The following ERC2 variants were observed in gnomAD, a reference collection of about 807,000 sequenced individuals.
The protein encoded by ERC2 is ERC protein 2.
In ERC2, 42 loss-of-function variants were observed where a neutral mutation model predicts 114.8. The observed-to-expected ratio is 0.37, with a 90% confidence interval of 0.29 to 0.47. The LOEUF is 0.47. Among genes scored for constraint, ERC2 ranks in the 20% least tolerant of loss-of-function variants. The pLI is 0.99. For missense variants in ERC2, 939 were observed against 1,150.7 expected (o/e 0.82, Z 2.66); for synonymous variants, 454 against 425.5 (o/e 1.07, Z -0.82).
chr3:56,294,737 G>A (rs1379951422), intron 3 of ERC2, among the ~76,000 whole-genome samples: 1 of 152,202 alleles, frequency 6.6e-6, no homozygotes, highest in East Asian at 1.9e-4. Context: ...TTATATAATG[G>A]TGTGAATTCC....
intron 3 of ERC2, among the ~76,000 whole-genome samples, chr3:56,208,608 G>T (rs1452224574): frequency 2.0e-5 from 3 of 152,140 alleles, no homozygotes; most frequent in Non-Finnish European, 4.4e-5. Flanking sequence ...GAAGAAGGGG[G>T]ACATTTGTGC....
intron 17 of ERC2, among the ~76,000 whole-genome samples, chr3:55,680,194 G>A (rs2061991259): frequency 1.3e-5 from 2 of 152,200 alleles, no homozygotes. Flanking sequence ...TGCCACATCT[G>A]TATTTTTATG....
chr3:55,569,283 TA>T (rs899201907), intron 17 of ERC2, among the ~76,000 whole-genome samples: 12 of 151,892 alleles, frequency 7.9e-5, no homozygotes, highest in African/African-American at 2.4e-4. Flanking sequence ...AAGAAAGGAT[TA>T]AAAAAAACTC....
chr3:56,132,636 C>CA (rs998060129), intron 6 of ERC2, among the ~76,000 whole-genome samples: 7 of 149,634 alleles, frequency 4.7e-5, no homozygotes, highest in African/African-American at 9.8e-5. Flanking sequence ...GACTCCGTCT[C>CA]AAAAAAAAAG....
intron 2 of ERC2, among the ~76,000 whole-genome samples, chr3:56,376,583 T>TTTAGTA (rs2059550700): frequency 6.6e-6 from 1 of 151,890 alleles, no homozygotes; most frequent in African/African-American, 2.4e-5. Context: ...ACCAACATGG[T>TTTAGTA]GAAACCCTGT....
intron 14 of ERC2, among the ~76,000 whole-genome samples, chr3:55,803,768 T>C (rs2059391829): frequency 6.6e-6 from 1 of 152,208 alleles, no homozygotes; most frequent in Non-Finnish European, 1.5e-5. Context: ...ACAGATGTTA[T>C]GCTATCTCCA....
At chr3:55,788,471 G>T (rs555045156) in intron 14 of ERC2, among the ~76,000 whole-genome samples, 1 of 152,184 alleles carries the variant, frequency 6.6e-6, no homozygotes, top group Non-Finnish European at 1.5e-5. Flanking sequence ...AGCATAAAAA[G>T]ACCTTGATCT....
chr3:56,268,269 C>A (rs768740230), intron 3 of ERC2, among the ~76,000 whole-genome samples: 6 of 152,144 alleles, frequency 3.9e-5, no homozygotes, highest in Non-Finnish European at 7.4e-5. Flanking sequence ...ATTGGCTATA[C>A]CATATAGCCT....
intron 1 of ERC2, among the ~76,000 whole-genome samples, chr3:56,452,728 T>C (rs2062875900): frequency 6.6e-6 from 1 of 152,240 alleles, no homozygotes; most frequent in Non-Finnish European, 1.5e-5. Flanking sequence ...TATTATCTGT[T>C]TAACCTTGAG....
At chr3:55,883,923 A>ACC (rs2063240948) in intron 14 of ERC2, among the ~76,000 whole-genome samples, 1 of 142,076 alleles carries the variant, frequency 7.0e-6, no homozygotes, top group Admixed American at 6.8e-5. Flanking sequence ...CAACAACAAC[A>ACC]ACAACACCAC....
intron 16 of ERC2, among the ~76,000 whole-genome samples, chr3:55,689,542 G>A (rs138746856): frequency 1.8e-4 from 28 of 152,218 alleles, no homozygotes; most frequent in African/African-American, 6.3e-4. Context: ...CTCCTTCATC[G>A]ATCAGTCATT....
chr3:56,245,557 C>T (rs1418407603), intron 3 of ERC2, among the ~76,000 whole-genome samples: 1 of 151,102 alleles, frequency 6.6e-6, no homozygotes, highest in African/African-American at 2.4e-5. Flanking sequence ...CACTCTTAGT[C>T]ATATGATTAT....
At chr3:56,383,584 T>C (rs548287609) in intron 2 of ERC2, among the ~76,000 whole-genome samples, 1 of 152,332 alleles carries the variant, frequency 6.6e-6, no homozygotes, top group South Asian at 2.1e-4. Flanking sequence ...AATGAATGAA[T>C]GGAACTCTGA....
At chr3:56,026,057 CTTTTTTT>C (rs59635680) in intron 7 of ERC2, among the ~76,000 whole-genome samples, 49 of 69,196 alleles carry the variant, frequency 7.1e-4, no homozygotes, top group African/African-American at 2.5e-3. Flanking sequence ...CCGTTTCTTT[CTTTTTTT>C]TTTTTTTTTT....
chr3:55,945,631 AG>A (rs1433234406), intron 13 of ERC2, among the ~76,000 whole-genome samples: 3 of 152,220 alleles, frequency 2.0e-5, no homozygotes, highest in African/African-American at 7.2e-5. Context: ...AGGAAAGTAA[AG>A]GAAGTCCCCT....
rs2064418792 is a variant in ERC2 at position 55,720,193 on chromosome 3, CT to C, written c.2712+14577del. 3.3e-4 allele frequency among the ~76,000 whole-genome samples: 3 copies of C among 8,960 alleles called. 1 individual carries two copies. The highest frequency in any genetic ancestry group is 6.5e-4 in the Non-Finnish European group (3 of 4,622). 5.9% of individuals were successfully genotyped at this position (8,960 alleles called of 152,430 possible). A position where few individuals can be genotyped will look rare whatever the true frequency, so the allele number is the denominator to read the frequency against. ...TCTTCTTCTTCTTCTTCTTCTTCTT[CT>C]TCTTCTTCTTCTTCTTCTTCTTCTT... On this transcript the variant is annotated intron_variant, in intron 15 of 17. Transcript: ENST00000288221.
chr3:55,566,024 G>C (rs1027630601), intron 17 of ERC2, among the ~76,000 whole-genome samples: 8 of 152,182 alleles, frequency 5.3e-5, no homozygotes, highest in African/African-American at 1.9e-4. Context: ...TCTTAGCTTG[G>C]GGGGAAATGT....
intron 17 of ERC2, among the ~76,000 whole-genome samples, chr3:55,512,723 C>A (rs1303881321): frequency 6.6e-6 from 1 of 152,198 alleles, no homozygotes; most frequent in African/African-American, 2.4e-5. Flanking sequence ...AGATTTCCAG[C>A]TGGGCAGCAG....
chr3:56,440,406 G>T (rs2062237020), intron 1 of ERC2, among the ~76,000 whole-genome samples: 1 of 152,138 alleles, frequency 6.6e-6, no homozygotes, highest in Admixed American at 6.5e-5. Flanking sequence ...AAATTAGCCA[G>T]GCGTGGTGGT....
Sources: allele counts gnomAD v4.1 joint callset (sites outside exome capture counted in the v4.1 genomes callset), GRCh38; gene constraint gnomAD v4.1.1; transcripts MANE v1.5; gene names NCBI Gene and HGNC (gene_info 2026-07-23, HGNC 2026-07-21).